The following TMEM45A variants were observed in gnomAD, a reference collection of about 807,000 sequenced individuals.
TMEM45A encodes DNA polymerase-transactivated protein 4.
TMEM45A carries 25 observed loss-of-function variants against 32.0 expected under a neutral mutation model. That is an observed-to-expected ratio of 0.78 (90% confidence interval 0.57 to 1.09). The LOEUF (loss-of-function observed/expected upper bound fraction) is 1.09, where lower values mean the gene tolerates loss of function less well. TMEM45A is among the 50% of genes least tolerant of loss of function. The pLI is 0.00. For missense variants in TMEM45A, 302 were observed against 325.0 expected (o/e 0.93, Z 0.54); for synonymous variants, 122 against 114.8 (o/e 1.06, Z -0.40).
intron 1 of TMEM45A, among the ~76,000 whole-genome samples, chr3:100,513,611 G>A (rs1243359420): frequency 6.6e-6 from 1 of 150,642 alleles, no homozygotes; most frequent in African/African-American, 2.5e-5. Context: ...ACATAGTGTT[G>A]GAAGTTCTGG....
At chr3:100,576,784 C>G in intron 5 of TMEM45A, 141 bp from the exon 6 acceptor site, 1 of 696,082 alleles carries the variant, frequency 1.4e-6, no homozygotes, top group South Asian at 1.7e-5. Flanking sequence ...AGCTCCAAAG[C>G]CAAATAAAAG....
chr3:100,494,443 G>A (rs1707893303), intron 1 of TMEM45A, among the ~76,000 whole-genome samples: 1 of 152,154 alleles, frequency 6.6e-6, no homozygotes, highest in Non-Finnish European at 1.5e-5. Flanking sequence ...CCAACATGGT[G>A]AATCCCTGTC....
chr3:100,514,998 G>C (rs1349168269), intron 1 of TMEM45A, among the ~76,000 whole-genome samples: 2 of 150,856 alleles, frequency 1.3e-5, no homozygotes, highest in Non-Finnish European at 2.9e-5. Context: ...AGAGGACGTG[G>C]AGAAATAGGA....
chr3:100,498,698 T>C (rs1707968847), intron 1 of TMEM45A, among the ~76,000 whole-genome samples: 1 of 152,170 alleles, frequency 6.6e-6, no homozygotes, highest in Admixed American at 6.5e-5. Context: ...TGTACAAATA[T>C]CTATTTAAGT....
intron 1 of TMEM45A, among the ~76,000 whole-genome samples, chr3:100,527,406 T>C (rs1705566776): frequency 6.6e-6 from 1 of 152,218 alleles, no homozygotes; most frequent in South Asian, 2.1e-4. Flanking sequence ...ACCCTCATGA[T>C]AGTCCTTCTT....
In TMEM45A at chr3:100,555,258, T is replaced by C; in HGVS notation, c.47T>C (p.Ile16Thr). 3.7e-6 allele frequency: 6 copies of C among 1,612,252 alleles called. No homozygotes were observed. Among genetic ancestry groups the C allele is most frequent in the African/African-American group, 1.3e-5 (1 of 74,964 alleles). ...GCCCTCCCTGGAACCTTCTTTTTTA[T>C]TATTGGTCTTTGGTGGTGTACAAAG... is the stretch of plus-strand genomic sequence containing the variant. The part of the protein sequence containing the change: ...GHALPGTFFF[I>T]IGLWWCTKSI... Residue 16 changes from isoleucine to threonine, a missense_variant, in exon 2 of 6, where the codon ATT (isoleucine) becomes ACT (threonine). Coordinates refer to ENST00000323523, the MANE Select transcript of TMEM45A (RefSeq NM_018004.3).
At chr3:100,504,249 T>TGAA (rs1226363711) in intron 1 of TMEM45A, among the ~76,000 whole-genome samples, 1 of 141,158 alleles carries the variant, frequency 7.1e-6, no homozygotes, top group African/African-American at 2.6e-5. Context: ...TATATTTTTA[T>TGAA]AAAAAAAAAA....
At chr3:100,543,562 G>A (rs1216423942) in intron 1 of TMEM45A, among the ~76,000 whole-genome samples, 5 of 152,098 alleles carry the variant, frequency 3.3e-5, no homozygotes, top group African/African-American at 9.7e-5. Context: ...AAAAATACCT[G>A]TTTTTAATTT....
chr3:100,574,227 C>T (rs6796541), intron 5 of TMEM45A: 1 of 151,646 alleles, frequency 6.6e-6, no homozygotes, highest in African/African-American at 2.4e-5. Flanking sequence ...TTTTTGAAAA[C>T]ATCAACAAAA....
At chr3:100,555,500 C>G in intron 2 of TMEM45A, 99 bp downstream of exon 2, 1 of 1,251,392 alleles carries the variant, frequency 8.0e-7, no homozygotes, top group Non-Finnish European at 1.1e-6. Context: ...ATCAATTGTT[C>G]TGATCTCTGA....
intron 1 of TMEM45A, among the ~76,000 whole-genome samples, chr3:100,494,442 T>A (rs1707893272): frequency 6.6e-6 from 1 of 152,102 alleles, no homozygotes; most frequent in African/African-American, 2.4e-5. Flanking sequence ...GCCAACATGG[T>A]GAATCCCTGT....
rs1221345371 is a variant in TMEM45A at position 100,577,124 on chromosome 3, C to CT, written c.*107dup. ...GGAGAACAGCTGGCTAAGGATGACT[C>CT]TAAGTGTACTGTTTGCATTTCCAAT... On this transcript the variant is annotated 3_prime_UTR_variant, in exon 6 of 6. Transcript: ENST00000323523. The CT allele has an allele frequency of 2.5e-6, 2 of 809,642 alleles. No homozygotes were observed. The highest frequency in any genetic ancestry group is 3.9e-6 in the Non-Finnish European group (2 of 516,340). The allele number at this position is 809,642 out of a possible 1,614,324, so 50.2% of individuals were successfully genotyped here.
intron 5 of TMEM45A, chr3:100,574,418 T>G (rs1354458085): frequency 6.6e-6 from 1 of 152,204 alleles, no homozygotes; most frequent in Non-Finnish European, 1.5e-5. Context: ...GATAAATTCC[T>G]CGACACATAC....
chr3:100,510,789 G>C (rs1321574468), intron 1 of TMEM45A, among the ~76,000 whole-genome samples: 2 of 152,152 alleles, frequency 1.3e-5, no homozygotes, highest in African/African-American at 2.4e-5. Flanking sequence ...GGAGCTGATG[G>C]AGCTGAAAAC....
intron 3 of TMEM45A, among the ~76,000 whole-genome samples, chr3:100,557,329 A>G (rs964092533): frequency 6.6e-6 from 1 of 152,232 alleles, no homozygotes; most frequent in Admixed American, 6.5e-5. Flanking sequence ...TGAATACACT[A>G]AAATGAGGCA....
chr3:100,557,022 T>A, intron 3 of TMEM45A, 50 bp downstream of exon 3: 1 of 1,563,840 alleles, frequency 6.4e-7, no homozygotes, highest in Non-Finnish European at 8.8e-7. Flanking sequence ...AGTGAGCATT[T>A]ATGTAGCCCT....
In TMEM45A at chr3:100,570,928, G is replaced by A. The variant is rs1198358263; in HGVS notation, c.734+1961G>A. 7 of 151,398 alleles carry A rather than the reference G, an allele frequency of 4.6e-5. No homozygotes were observed. The East Asian group carries it at 1.2e-3, about 25-fold the overall frequency. The allele number at this position is 151,398 out of a possible 1,614,324, so 9.4% of individuals were successfully genotyped here. A position where few individuals can be genotyped will look rare whatever the true frequency, so the allele number is the denominator to read the frequency against. ...ACGTCTTTTCTATGAAAACTTCTGT[G>A]GTGACTCTAGCTCTTGCTCATCTCC... On this transcript the variant is annotated intron_variant, in intron 5 of 5. Coordinates refer to ENST00000323523, the MANE Select transcript of TMEM45A (RefSeq NM_018004.3).
chr3:100,512,590 CA>C, intron 1 of TMEM45A, among the ~76,000 whole-genome samples: 1 of 151,896 alleles, frequency 6.6e-6, no homozygotes, highest in Non-Finnish European at 1.5e-5. Flanking sequence ...CAAACACATT[CA>C]AAAGCTAGCA....
At chr3:100,519,384 T>C in intron 1 of TMEM45A, 1 of 582,804 alleles carries the variant, frequency 1.7e-6, no homozygotes, top group African/African-American at 2.7e-5. Context: ...TGTGTGTGTG[T>C]GCATGTGTGT....
Sources: gnomAD v4.1 joint callset for allele counts (sites outside exome capture counted in the v4.1 genomes callset) on GRCh38, gnomAD v4.1.1 for gene constraint, MANE v1.5 for transcripts, NCBI Gene and HGNC (gene_info 2026-07-23, HGNC 2026-07-21) for gene names.